Variants in PRKN observed in about 807,000 individuals in gnomAD.
PRKN encodes the protein E3 ubiquitin-protein ligase parkin.
In PRKN, 56 loss-of-function variants were observed where a neutral mutation model predicts 59.5. That is an observed-to-expected ratio of 0.94 (90% CI 0.76 to 1.18). PRKN has a LOEUF of 1.18. Among genes scored for constraint, PRKN ranks in the 50% most tolerant of loss-of-function variants. PRKN has a pLI of 0.00. For missense variants in PRKN, 657 were observed against 596.4 expected, an observed-to-expected ratio of 1.10 and a Z score of -1.06; for synonymous variants, 250 against 222.1, an observed-to-expected ratio of 1.13 and a Z score of -1.12.
At chr6:162,403,970 G>A (rs994262994) in intron 2 of PRKN, among the ~76,000 whole-genome samples, 2 of 152,086 alleles carry the variant, frequency 1.3e-5, no homozygotes, top group African/African-American at 2.4e-5. Flanking sequence ...GCATTAAACC[G>A]AACCATTCAC....
rs149383140 is a variant in PRKN at position 162,693,284 on chromosome 6, C to G, written c.7+34378G>C. 5.1e-3 allele frequency among the ~76,000 whole-genome samples: 783 copies of G among 152,310 alleles called. 7 individuals carry two copies. The highest frequency in any genetic ancestry group is 0.017 in the African/African-American group (716 of 41,568). On this transcript the variant is annotated intron_variant, in intron 1 of 11. Coordinates refer to ENST00000366898, the MANE Select transcript of PRKN (RefSeq NM_004562.3). ...TAACCTATCTTGTCCCATCTATCAC[C>G]TCACAACATTGGCCACTAATGCTGC...
chr6:162,046,236 A>T lies in PRKN; in HGVS notation c.618+7855T>A, dbSNP rs139213909. 3.1e-3 allele frequency among the ~76,000 whole-genome samples: 476 copies of T among 152,328 alleles called. 4 individuals carry two copies. Among genetic ancestry groups the T allele is most frequent in the African/African-American group, 0.011 (452 of 41,578 alleles). On this transcript the variant is annotated intron_variant, in intron 5 of 11. Transcript: ENST00000366898. ...TTGGCTTTTGAATCATTCTATGGAA[A>T]GGCAAAAAACGAAGTAAGACTTTTG... is the stretch of plus-strand genomic sequence containing the variant.
At chr6:162,240,750 A>T (rs1778951737) in intron 3 of PRKN, among the ~76,000 whole-genome samples, 2 of 152,318 alleles carry the variant, frequency 1.3e-5, no homozygotes, top group South Asian at 4.1e-4. Flanking sequence ...CATTAGGGTG[A>T]ACCCATTAAA....
At chr6:162,073,450 T>C (rs1582992207) in intron 4 of PRKN, among the ~76,000 whole-genome samples, 1 of 152,270 alleles carries the variant, frequency 6.6e-6, no homozygotes, top group South Asian at 2.1e-4. Context: ...TTTGTTGTTG[T>C]TTTTTGTGTG....
At chr6:162,161,510 C>G (rs1331310358) in intron 4 of PRKN, among the ~76,000 whole-genome samples, 3 of 152,210 alleles carry the variant, frequency 2.0e-5, no homozygotes, top group Non-Finnish European at 4.4e-5. Context: ...GTGTGCAGCA[C>G]TCTGAGTAGC....
intron 4 of PRKN, among the ~76,000 whole-genome samples, chr6:162,135,872 A>T (rs1484136046): frequency 1.3e-5 from 2 of 152,120 alleles, no homozygotes; most frequent in South Asian, 2.1e-4. Context: ...GAACAAAATA[A>T]AAGTCATATT....
intron 1 of PRKN, among the ~76,000 whole-genome samples, chr6:162,570,905 A>C (rs1486544171): frequency 2.6e-5 from 4 of 152,196 alleles, no homozygotes; most frequent in East Asian, 3.9e-4. Flanking sequence ...ATAATAACTT[A>C]ATTGTGTATT....
At chr6:162,161,647 T>C (rs187289544) in intron 4 of PRKN, among the ~76,000 whole-genome samples, 5 of 152,208 alleles carry the variant, frequency 3.3e-5, no homozygotes, top group Non-Finnish European at 5.9e-5. Flanking sequence ...ACATTGAAAC[T>C]TGAACATGCT....
chr6:161,424,756 G>C (rs1788256065), intron 9 of PRKN, among the ~76,000 whole-genome samples: 1 of 152,130 alleles, frequency 6.6e-6, no homozygotes, highest in South Asian at 2.1e-4. Context: ...CAAAACCACT[G>C]TGAGCAATCA....
chr6:162,636,748 G>A (rs573354362), intron 1 of PRKN, among the ~76,000 whole-genome samples: 1 of 152,316 alleles, frequency 6.6e-6, no homozygotes, highest in Admixed American at 6.5e-5. Context: ...ACTTTGGGAG[G>A]CGGAGGCAGA....
chr6:161,630,140 T>C (rs777361257), intron 7 of PRKN, among the ~76,000 whole-genome samples: 5 of 152,204 alleles, frequency 3.3e-5, no homozygotes, highest in Admixed American at 6.5e-5. Context: ...GTTTTTACTG[T>C]GTACTAGAGT....
chr6:161,568,869 C>A (rs1716095475), intron 8 of PRKN, among the ~76,000 whole-genome samples: 1 of 151,978 alleles, frequency 6.6e-6, no homozygotes, highest in South Asian at 2.1e-4. Flanking sequence ...TTTAAATAAT[C>A]CACTTCAAAT....
chr6:161,774,455 G>A (rs981931854), intron 7 of PRKN, among the ~76,000 whole-genome samples: 1 of 151,700 alleles, frequency 6.6e-6, no homozygotes, highest in South Asian at 2.1e-4. Context: ...GCAGGGCCAT[G>A]TGGCTGAGTT....
chr6:162,551,054 A>G (rs1199556931), intron 1 of PRKN, among the ~76,000 whole-genome samples: 2 of 152,072 alleles, frequency 1.3e-5, no homozygotes, highest in Non-Finnish European at 1.5e-5. Context: ...CCTTCTTATC[A>G]TCTCTCTTAG....
intron 2 of PRKN, among the ~76,000 whole-genome samples, chr6:162,397,963 G>GT (rs1787558075): frequency 6.7e-6 from 1 of 149,164 alleles, no homozygotes; most frequent in Admixed American, 6.7e-5. Context: ...CTTGAGCCTA[G>GT]TACCTGGACG....
chr6:162,561,722 C>A (rs954420056), intron 1 of PRKN, among the ~76,000 whole-genome samples: 1 of 152,156 alleles, frequency 6.6e-6, no homozygotes, highest in African/African-American at 2.4e-5. Context: ...GAAAGGAAAA[C>A]CAGACCAAAC....
At chr6:161,992,792 T>C (rs1372464722) in intron 5 of PRKN, among the ~76,000 whole-genome samples, 3 of 152,116 alleles carry the variant, frequency 2.0e-5, no homozygotes, top group African/African-American at 4.8e-5. Context: ...CTAGAAATGA[T>C]AGCAAGAGAA....
chr6:161,567,859 G>GT (rs1220870514), intron 8 of PRKN, among the ~76,000 whole-genome samples: 1 of 152,184 alleles, frequency 6.6e-6, no homozygotes, highest in Admixed American at 6.5e-5. Context: ...AATTGTCAGG[G>GT]TAACAACCAG....
In PRKN at chr6:161,732,480, T is replaced by TG. The variant is rs1170803619; in HGVS notation, c.871+53291_871+53292insC. On this transcript the variant is annotated intron_variant, in intron 7 of 11. Coordinates refer to ENST00000366898, the MANE Select transcript of PRKN (RefSeq NM_004562.3). ...AGCTTGCATTTCTTCAGAGGTTTTT[T>TG]TTTTTTGTGTGTGTGTGTGTGTGGA... 2.6e-3 allele frequency among the ~76,000 whole-genome samples: 348 copies of TG among 132,326 alleles called. 5 individuals are homozygous for TG. Among genetic ancestry groups the TG allele is most frequent in the African/African-American group, 0.015 (335 of 22,924 alleles). 86.8% of individuals were successfully genotyped at this position (132,326 alleles called of 152,430 possible).
Sources: gnomAD v4.1 joint callset for allele counts (sites outside exome capture counted in the v4.1 genomes callset) on GRCh38, gnomAD v4.1.1 for gene constraint, MANE v1.5 for transcripts, NCBI Gene and HGNC (gene_info 2026-07-23, HGNC 2026-07-21) for gene names.